BSPRY: variants seen among roughly 807,000 people sequenced by gnomAD.
The protein encoded by BSPRY is B box and SPRY domain-containing protein.
In BSPRY, 33 loss-of-function variants were observed where a neutral mutation model predicts 38.0. That is an observed-to-expected ratio of 0.87 (90% CI 0.66 to 1.16). The LOEUF is 1.16. Ranked by LOEUF, BSPRY falls within the 50% of genes most tolerant of loss-of-function variation. The probability of loss-of-function intolerance (pLI) is 0.00; values close to 1 mark genes in which losing one functional copy is unlikely to be tolerated. For missense variants in BSPRY, 523 were observed against 533.2 expected (o/e 0.98, Z 0.19); for synonymous variants, 224 against 228.5 (o/e 0.98, Z 0.18).
At chr9:113,359,326 T>G (rs1333116814) in intron 2 of BSPRY, among the ~76,000 whole-genome samples, 1 of 152,248 alleles carries the variant, frequency 6.6e-6, no homozygotes, top group East Asian at 1.9e-4. Context: ...CTATGTTATG[T>G]TGCCTCAAGA....
At chr9:113,362,713 A>G (rs990375619) in intron 4 of BSPRY, among the ~76,000 whole-genome samples, 4 of 152,220 alleles carry the variant, frequency 2.6e-5, no homozygotes, top group African/African-American at 9.6e-5. Flanking sequence ...TTGAGATTCT[A>G]AAAGGGGAAG....
At position 113,370,138 on chromosome 9, in the gene BSPRY, GC is replaced by G. The variant is rs761066314; in HGVS notation, c.1206del (p.Ter403AspfsTer45). 1 of 1,556,288 alleles carries G rather than the reference GC, an allele frequency of 6.4e-7. No individual in the cohort carries two copies. Among genetic ancestry groups the G allele is most frequent in the African/African-American group, 1.4e-5 (1 of 73,218 alleles). On this transcript the variant is annotated frameshift_variant, in exon 6 of 6. Coordinates refer to ENST00000374183, the MANE Select transcript of BSPRY (RefSeq NM_017688.3). LOFTEE classifies it high-confidence loss of function. The surrounding 1 kb of genome is among the most constrained non-coding windows in gnomAD (Gnocchi z 4.8). ...AVADQTISIV[R>X] ...GCCGATCAGACCATTTCTATCGTCC[GC>G]TGACCTCTGGCCACAGGAAGCCAGG...
chr9:113,355,562 C>T (rs1327255226), intron 2 of BSPRY, among the ~76,000 whole-genome samples: 1 of 151,976 alleles, frequency 6.6e-6, no homozygotes, highest in Non-Finnish European at 1.5e-5. Context: ...TGTCTTACTG[C>T]ACTGGTTATG....
chr9:113,357,704 A>C lies in BSPRY; in HGVS notation c.301-2803A>C, dbSNP rs76507437. Among the ~76,000 whole-genome samples the C allele has an allele frequency of 6.4e-3, 970 of 151,262 alleles. 8 individuals are homozygous for C. Among genetic ancestry groups the C allele is most frequent in the Middle Eastern group, 0.024 (7 of 292 alleles). Reference sequence around the variant, plus strand: ...TCTTTTGTATCTTTGTCTTAATTTCATTATTATTTCTTTCTCTTTTTTTAG... The same window carrying C: ...TCTTTTGTATCTTTGTCTTAATTTCCTTATTATTTCTTTCTCTTTTTTTAG... On this transcript the variant is annotated intron_variant, in intron 2 of 5. Coordinates refer to ENST00000374183, the MANE Select transcript of BSPRY (RefSeq NM_017688.3).
chr9:113,352,768 G>T (rs960638394), intron 1 of BSPRY, among the ~76,000 whole-genome samples: 3 of 152,164 alleles, frequency 2.0e-5, no homozygotes, highest in Admixed American at 6.5e-5. Context: ...TAGCTGGGGG[G>T]TTGGGGGTGC....
intron 1 of BSPRY, among the ~76,000 whole-genome samples, chr9:113,351,697 G>T (rs1173074305): frequency 2.0e-5 from 3 of 152,196 alleles, no homozygotes; most frequent in African/African-American, 7.2e-5. Flanking sequence ...TGGAGAAACG[G>T]AGAGCAAAAG....
chr9:113,350,223 G>T (rs934425294), intron 1 of BSPRY, among the ~76,000 whole-genome samples: 5 of 152,028 alleles, frequency 3.3e-5, no homozygotes, highest in African/African-American at 1.2e-4. Flanking sequence ...CCCAGCTCCC[G>T]CCCCTGTGGA....
At chr9:113,356,757 C>T (rs1366992393) in intron 2 of BSPRY, among the ~76,000 whole-genome samples, 1 of 152,066 alleles carries the variant, frequency 6.6e-6, no homozygotes, top group African/African-American at 2.4e-5. Flanking sequence ...CAGGATAATG[C>T]TGAAGTTTTT....
chr9:113,368,284 G>C lies in BSPRY; in HGVS notation c.583G>C (p.Asp195His), dbSNP rs770093625. 1.2e-6 allele frequency: 2 copies of C among 1,613,996 alleles called. No homozygotes were observed. The highest frequency in any genetic ancestry group is 2.7e-5 in the African/African-American group (2 of 74,902). The change falls in exon 5 of 6, where the codon GAT becomes CAT. Residue 195 changes from aspartate (D) to histidine (H), a missense_variant. Asp to His is a moderately conservative substitution (Grantham distance 81). Transcript: ENST00000374183. ...GACCGAAGAAGCAGAGGGCATTTTG[G>C]ATCCCCAGGAGTCGGAAATGTTAAA... ...ERTEEAEGIL[D>H]PQESEMLNFN...
intron 2 of BSPRY, among the ~76,000 whole-genome samples, chr9:113,356,536 TG>T (rs1834062200): frequency 6.6e-6 from 1 of 151,702 alleles, no homozygotes; most frequent in South Asian, 2.1e-4. Context: ...TTGGCTGCTA[TG>T]TTTAGAAGTG....
intron 2 of BSPRY, 122 bp from the exon 3 acceptor site, chr9:113,360,385 C>A (rs757759431): frequency 2.7e-5 from 24 of 896,106 alleles, no homozygotes; most frequent in Non-Finnish European, 3.8e-5. Flanking sequence ...ATTTCCATTA[C>A]TAAGCCCGTG....
intron 4 of BSPRY, among the ~76,000 whole-genome samples, chr9:113,363,357 A>C (rs1454309005): frequency 2.0e-5 from 3 of 152,140 alleles, no homozygotes; most frequent in African/African-American, 7.2e-5. Flanking sequence ...CAGGAGCATC[A>C]CTTGAACCTG....
intron 4 of BSPRY, 44 bp from the exon 5 acceptor site, chr9:113,368,215 C>T: frequency 6.2e-7 from 1 of 1,605,724 alleles, no homozygotes. Flanking sequence ...AGATATATTT[C>T]CAGAACCATC....
At chr9:113,364,036 A>G (rs1834202969) in intron 4 of BSPRY, among the ~76,000 whole-genome samples, 1 of 151,752 alleles carries the variant, frequency 6.6e-6, no homozygotes, top group African/African-American at 2.4e-5. Flanking sequence ...AAATACAAAA[A>G]TTAGCTAGGT....
At position 113,369,747 on chromosome 9, in the gene BSPRY, T is replaced by G; in HGVS notation, c.814T>G (p.Trp272Gly). Residue 272 changes from tryptophan (W) to glycine (G), a missense_variant, in exon 6 of 6, where the codon TGG (tryptophan) becomes GGG (glycine). Coordinates refer to ENST00000374183, the MANE Select transcript of BSPRY (RefSeq NM_017688.3). Reference protein sequence around the residue: ...CADGPERFDHWPNALAATSFQ... With the variant: ...CADGPERFDHGPNALAATSFQ... ...AGATGGCCCGGAGCGCTTCGACCAC[T>G]GGCCCAATGCCCTGGCTGCCACCTC... 4 of 1,614,244 alleles carry G rather than the reference T, an allele frequency of 2.5e-6. No individual in the cohort carries two copies. Among genetic ancestry groups the G allele is most frequent in the Non-Finnish European group, 3.4e-6 (4 of 1,180,038 alleles).
At chr9:113,361,030 C>T (rs1439026836) in intron 3 of BSPRY, among the ~76,000 whole-genome samples, 1 of 152,180 alleles carries the variant, frequency 6.6e-6, no homozygotes, top group East Asian at 1.9e-4. Flanking sequence ...TCAGGTTCCT[C>T]ATCCACCACC....
At chr9:113,353,674 G>C (rs557126129) in intron 1 of BSPRY, among the ~76,000 whole-genome samples, 49 of 152,222 alleles carry the variant, frequency 3.2e-4, no homozygotes, top group African/African-American at 1.1e-3. Flanking sequence ...CTGCACTCCA[G>C]CCTGGGCAAC....
Position 113,360,615 on chromosome 9 carries a change from G to A in BSPRY, c.409G>A (p.Glu137Lys), listed in dbSNP as rs755929427. Residue 137 changes from glutamate (E) to lysine (K), a missense_variant, in exon 3 of 6, where the codon GAG (glutamate) becomes AAG (lysine). By Grantham distance (56) the Glu-to-Lys change is moderately conservative. Coordinates refer to ENST00000374183, the MANE Select transcript of BSPRY (RefSeq NM_017688.3). Reference protein sequence around the residue: ...RLLEQVHGEEERAHQSILTQR... With the variant: ...RLLEQVHGEEKRAHQSILTQR... Reference sequence around the variant, plus strand: ...ACTGGAACAGGTGCATGGCGAAGAGGAGCGGGCCCACCAGAGCATCCTGAC... The same window carrying A: ...ACTGGAACAGGTGCATGGCGAAGAGAAGCGGGCCCACCAGAGCATCCTGAC... 14 of 1,608,902 alleles carry A rather than the reference G, an allele frequency of 8.7e-6. No individual in the cohort carries two copies. Among genetic ancestry groups the A allele is most frequent in the Admixed American group, 3.4e-5 (2 of 59,346 alleles).
intron 1 of BSPRY, among the ~76,000 whole-genome samples, chr9:113,351,454 C>G (rs1404466595): frequency 1.3e-5 from 2 of 152,258 alleles, no homozygotes; most frequent in South Asian, 2.1e-4. Flanking sequence ...GAAGCCTTCT[C>G]AGTGCTCTTA....
Sources: gnomAD v4.1 joint callset for allele counts (sites outside exome capture counted in the v4.1 genomes callset) on GRCh38, gnomAD v4.1.1 for gene constraint, Gnocchi (gnomAD v3.1) non-coding constraint, MANE v1.5 for transcripts, NCBI Gene and HGNC (gene_info 2026-07-23, HGNC 2026-07-21) for gene names.